The following CLECL1 variants were observed in gnomAD, a reference collection of about 807,000 sequenced individuals.
CLECL1 encodes C-type lectin-like domain family 1.
At chr12:9,718,746 A>G (rs1565480474), downstream of CLECL1, 1 of 701,356 alleles carries the variant, frequency 1.4e-6, no homozygotes. Context: ...AAGAAATGCC[A>G]TTTGAAGGTA....
At chr12:9,727,813 A>G (rs764236834) in intron 2 of CLECL1, among the ~76,000 whole-genome samples, 2 of 151,866 alleles carry the variant, frequency 1.3e-5, no homozygotes, top group East Asian at 3.9e-4. Flanking sequence ...TAAGAGAAAA[A>G]CATAACTACT....
At chr12:9,733,087 C>T, upstream of CLECL1, 2 of 1,608,544 alleles carry the variant, frequency 1.2e-6, no homozygotes, top group Non-Finnish European at 1.7e-6. Flanking sequence ...AAGGGACAAT[C>T]ATATTTCTGC....
At chr12:9,731,855 T>C (rs1333728552) in intron 1 of CLECL1, among the ~76,000 whole-genome samples, 1 of 152,198 alleles carries the variant, frequency 6.6e-6, no homozygotes, top group East Asian at 1.9e-4. Flanking sequence ...ATCAAAAATA[T>C]TGGTTTTGTT....
chr12:9,712,138 C>T (rs1866204833), downstream of CLECL1, among the ~76,000 whole-genome samples: 1 of 152,302 alleles, frequency 6.6e-6, no homozygotes, highest in African/African-American at 2.4e-5. Flanking sequence ...GATATATCTA[C>T]CTTAAAAATA....
At chr12:9,718,599 C>T (rs1866267052), downstream of CLECL1, 1 of 546,454 alleles carries the variant, frequency 1.8e-6, no homozygotes, top group Middle Eastern at 2.7e-4. Context: ...CAGAATGTGA[C>T]TGTATATGGA....
At chr12:9,732,210 C>T (rs10161013) in intron 1 of CLECL1, among the ~76,000 whole-genome samples, 32,604 of 152,020 alleles carry the variant, frequency 0.21, 4,329 homozygotes, top group African/African-American at 0.38. Flanking sequence ...AGGGCAAATA[C>T]AAAGGAGGAA....
At chr12:9,705,354 G>A in the CLECL1 span, among the ~76,000 whole-genome samples, 23 of 151,968 alleles carry the variant, frequency 1.5e-4, no homozygotes, top group Admixed American at 1.3e-4. Flanking sequence ...CATTCTGTAG[G>A]TTGTTTACTC....
downstream of CLECL1, among the ~76,000 whole-genome samples, chr12:9,714,373 A>G (rs112987528): frequency 1.9e-4 from 29 of 152,322 alleles, no homozygotes; most frequent in Non-Finnish European, 3.7e-4. Context: ...AATGGTGCCA[A>G]TTACACAGCT....
chr12:9,715,280 A>G (rs868860046), downstream of CLECL1, among the ~76,000 whole-genome samples: 27 of 152,222 alleles, frequency 1.8e-4, no homozygotes, highest in African/African-American at 6.5e-4. Context: ...TACTATTAAT[A>G]GCAGCACAGG....
At chr12:9,717,392 T>C (rs1275177383) in intron 2 of CLECL1, among the ~76,000 whole-genome samples, 1 of 152,230 alleles carries the variant, frequency 6.6e-6, no homozygotes, top group Admixed American at 6.5e-5. Flanking sequence ...CCCCCAGTGC[T>C]AACGTTTTGG....
chr12:9,717,653 G>A (rs1866254903), downstream of CLECL1, among the ~76,000 whole-genome samples: 1 of 152,174 alleles, frequency 6.6e-6, no homozygotes, highest in African/African-American at 2.4e-5. Flanking sequence ...TAGCTTTCTT[G>A]CATGAATTAC....
chr12:9,726,091 T>C (rs1866375952), intron 3 of CLECL1, among the ~76,000 whole-genome samples: 2 of 152,150 alleles, frequency 1.3e-5, no homozygotes, highest in African/African-American at 4.8e-5. Context: ...AATCCCGTTA[T>C]TGAGGTCAAC....
At chr12:9,710,340 A>T in the CLECL1 span, among the ~76,000 whole-genome samples, 1 of 152,196 alleles carries the variant, frequency 6.6e-6, no homozygotes, top group Admixed American at 6.5e-5. Flanking sequence ...AGCATCCGAC[A>T]GCAGTTTACC....
At chr12:9,710,204 T>A in the CLECL1 span, among the ~76,000 whole-genome samples, 38 of 152,316 alleles carry the variant, frequency 2.5e-4, no homozygotes, top group African/African-American at 8.4e-4. Flanking sequence ...AACCCATGCA[T>A]ACTTAACCTT....
the CLECL1 span, among the ~76,000 whole-genome samples, chr12:9,702,946 A>C: frequency 1.3e-5 from 2 of 152,206 alleles, no homozygotes; most frequent in Non-Finnish European, 2.9e-5. Context: ...TGTATCTGCC[A>C]AGGTTCCAAT....
chr12:9,706,662 G>T, the CLECL1 span, among the ~76,000 whole-genome samples: 1 of 152,098 alleles, frequency 6.6e-6, no homozygotes, highest in Non-Finnish European at 1.5e-5. Flanking sequence ...TACATTTATT[G>T]GTTGGTGTAT....
At chr12:9,729,814 C>CA (rs951675284) in intron 1 of CLECL1, among the ~76,000 whole-genome samples, 1 of 147,184 alleles carries the variant, frequency 6.8e-6, no homozygotes, top group African/African-American at 2.5e-5. Context: ...GACCCAGCTT[C>CA]TTTTTTTTTT....
chr12:9,720,341 AT>A (rs777503358), downstream of CLECL1, among the ~76,000 whole-genome samples: 3,699 of 133,330 alleles, frequency 0.028, 125 homozygotes, highest in African/African-American at 0.085. Context: ...CCACCTCTGT[AT>A]TTTTTTTTTT....
downstream of CLECL1, chr12:9,718,546 C>T (rs1464583522): frequency 1.3e-5 from 6 of 469,632 alleles, no homozygotes; most frequent in Non-Finnish European, 2.2e-5. Flanking sequence ...CTGAATTGTA[C>T]TACTCCAAAA....
Sources: gnomAD v4.1 joint callset for allele counts (sites outside exome capture counted in the v4.1 genomes callset) on GRCh38, gnomAD v4.1.1 for gene constraint, MANE v1.5 for transcripts, NCBI Gene and HGNC (gene_info 2026-07-23, HGNC 2026-07-21) for gene names.